TPST2: variants seen among roughly 807,000 people sequenced by gnomAD.
TPST2 encodes tyrosylprotein sulfotransferase 2, also known as protein-tyrosine sulfotransferase 2.
Under a neutral mutation model 27.8 loss-of-function variants are expected in TPST2, and 16 were observed. The ratio of observed to expected loss-of-function variants is 0.58; its 90% CI spans 0.39 to 0.88. The LOEUF (loss-of-function observed/expected upper bound fraction) is 0.88. TPST2 is among the 40% of genes least tolerant of loss of function. The probability of loss-of-function intolerance (pLI) is 0.00; values close to 1 mark genes in which losing one functional copy is unlikely to be tolerated. For missense variants in TPST2, 464 were observed against 543.1 expected (o/e 0.85, Z 1.45); for synonymous variants, 229 against 231.7 (o/e 0.99, Z 0.10).
intron 1 of TPST2, among the ~76,000 whole-genome samples, chr22:26,566,646 G>T (rs1927391953): frequency 6.6e-6 from 1 of 152,146 alleles, no homozygotes. Context: ...CAGCTGCTCA[G>T]GAGGCTGAGG....
chr22:26,556,489 G>A (rs182044716), intron 1 of TPST2, among the ~76,000 whole-genome samples: 15 of 152,254 alleles, frequency 9.9e-5, no homozygotes, highest in South Asian at 6.2e-4. Context: ...GCAGTGAGCC[G>A]AGATCGCGTC....
At chr22:26,531,247 C>T (rs1925144808) in intron 5 of TPST2, among the ~76,000 whole-genome samples, 1 of 152,154 alleles carries the variant, frequency 6.6e-6, no homozygotes. Flanking sequence ...TAATGTCATT[C>T]TGGATGTTGT....
intron 1 of TPST2, among the ~76,000 whole-genome samples, chr22:26,563,334 T>C (rs567211108): frequency 1.9e-4 from 26 of 138,164 alleles, no homozygotes; most frequent in South Asian, 6.7e-4. Flanking sequence ...TCTTCTTCTT[T>C]TTTTTTTTTT....
At position 26,575,533 on chromosome 22, in the gene TPST2, A is replaced by C. The variant is rs527310660; in HGVS notation, c.-161+14520T>G. On this transcript the variant is annotated intron_variant, in intron 1 of 6. Transcript: ENST00000338754. ...TATACCTCCCCTTGTGTCCATCTAAAATATCAGCTCTCCCAGGGCAGGAAC... is the reference window on the plus strand; with the variant it reads ...TATACCTCCCCTTGTGTCCATCTAACATATCAGCTCTCCCAGGGCAGGAAC... Among the ~76,000 whole-genome samples, 71 of 152,248 alleles carry C rather than the reference A, an allele frequency of 4.7e-4. 1 individual carries two copies. Among genetic ancestry groups the C allele is most frequent in the African/African-American group, 1.4e-3 (60 of 41,554 alleles).
chr22:26,584,433 A>G (rs1229657095), intron 1 of TPST2, among the ~76,000 whole-genome samples: 1 of 152,200 alleles, frequency 6.6e-6, no homozygotes, highest in Admixed American at 6.5e-5. Context: ...ACAACACCTG[A>G]TGTTTTCTGT....
intron 5 of TPST2, among the ~76,000 whole-genome samples, chr22:26,531,007 C>T (rs1210726981): frequency 6.8e-6 from 1 of 146,322 alleles, no homozygotes; most frequent in African/African-American, 2.4e-5. Context: ...AAAACTCCAT[C>T]TCAAAAACAA....
At chr22:26,550,027 A>C (rs1205236351) in intron 1 of TPST2, among the ~76,000 whole-genome samples, 1 of 143,252 alleles carries the variant, frequency 7.0e-6, no homozygotes, top group African/African-American at 2.6e-5. Flanking sequence ...GTGATGGAGC[A>C]AGACTCCATC....
At chr22:26,571,104 C>A (rs906473414) in intron 1 of TPST2, among the ~76,000 whole-genome samples, 7 of 152,186 alleles carry the variant, frequency 4.6e-5, no homozygotes, top group Admixed American at 2.0e-4. Flanking sequence ...CCACTTTACT[C>A]AGGAAAAACC....
intron 1 of TPST2, among the ~76,000 whole-genome samples, chr22:26,552,918 C>G (rs3788404): frequency 0.39 from 58,877 of 151,464 alleles, 12,256 homozygotes; most frequent in African/African-American, 0.54. Context: ...AAATTAGCCG[C>G]GCATGGTGGC....
rs187749809 is a variant in TPST2, at chr22:26,523,527, A to G, written c.*2748T>C. The stretch of plus-strand genomic sequence containing the variant: ...CTGAGCCTAGTTTTTTTCAGGGAAC[A>G]AGACCCAGTGCTACCACTTAGGGGC... On this transcript the variant is annotated 3_prime_UTR_variant, in exon 7 of 7. Transcript: ENST00000338754. 1 of 152,328 alleles carries G rather than the reference A, an allele frequency of 6.6e-6. No homozygotes were observed. The highest frequency in any genetic ancestry group is 1.9e-4 in the East Asian group (1 of 5,186). The allele number at this position is 152,328 out of a possible 1,614,324, so 9.4% of individuals were successfully genotyped here.
intron 5 of TPST2, 77 bp downstream of exon 5, chr22:26,532,618 C>CA: frequency 4.9e-6 from 7 of 1,437,524 alleles, no homozygotes; most frequent in Non-Finnish European, 6.7e-6. Context: ...GGAGAAGTGA[C>CA]ACATCTAAGG....
chr22:26,567,702 T>G (rs1927433845), intron 1 of TPST2, among the ~76,000 whole-genome samples: 1 of 151,704 alleles, frequency 6.6e-6, no homozygotes, highest in African/African-American at 2.4e-5. Context: ...ATATAAAGAG[T>G]TCTGTGAAAT....
intron 1 of TPST2, among the ~76,000 whole-genome samples, chr22:26,561,572 G>A (rs1412784301): frequency 6.9e-6 from 1 of 145,362 alleles, no homozygotes; most frequent in African/African-American, 2.5e-5. Context: ...CAGCTGTTTT[G>A]TTGACATTCT....
At chr22:26,569,976 G>A (rs983261119) in intron 1 of TPST2, among the ~76,000 whole-genome samples, 1 of 4,760 alleles carries the variant, frequency 2.1e-4, no homozygotes, top group Non-Finnish European at 2.7e-4. Flanking sequence ...AAGGAAGAAA[G>A]AAAGAAAAGA....
intron 1 of TPST2, among the ~76,000 whole-genome samples, chr22:26,545,039 C>T (rs1242239867): frequency 3.9e-5 from 6 of 152,152 alleles, no homozygotes; most frequent in Non-Finnish European, 4.4e-5. Context: ...CAACAACAAC[C>T]ACCACTACAC....
Position 26,529,514 on chromosome 22 carries a change from G to C in TPST2, c.1093-1252C>G, listed in dbSNP as rs545299278. Among the ~76,000 whole-genome samples the C allele has an allele frequency of 4.7e-4, 72 of 152,312 alleles. 1 individual carries two copies. Among genetic ancestry groups the C allele is most frequent in the Middle Eastern group, 6.8e-3 (2 of 294 alleles). ...AGAGGGGAGAGGGTCTAGGGGCTAG[G>C]AGCTGGAGATTGGGCAATCACCCAT... On this transcript the variant is annotated intron_variant, in intron 5 of 6. Transcript: ENST00000338754.
intron 1 of TPST2, among the ~76,000 whole-genome samples, chr22:26,576,735 C>T (rs1224499327): frequency 6.6e-6 from 1 of 151,828 alleles, no homozygotes; most frequent in Non-Finnish European, 1.5e-5. Flanking sequence ...TTTTGGGAGG[C>T]TGAGGTGGGA....
Position 26,541,702 on chromosome 22 carries a change from G to C in TPST2, c.-72C>G. The C allele has an allele frequency of 1.4e-6, 2 of 1,474,906 alleles. No homozygotes were observed. The highest frequency in any genetic ancestry group is 1.8e-6 in the Non-Finnish European group (2 of 1,119,966). 91.4% of individuals were successfully genotyped at this position (1,474,906 alleles called of 1,614,324 possible). ...GGCTTCAGCGACAGGTTAGCGGGCA[G>C]CCCGCCAGGCTCACATCTGGGGAGA... is the stretch of plus-strand genomic sequence containing the variant. On this transcript the variant is annotated 5_prime_UTR_variant, in exon 3 of 7. Transcript: ENST00000338754. The surrounding 1 kb of genome is among the most constrained non-coding windows in gnomAD (Gnocchi z 5.9).
chr22:26,552,455 A>G (rs988750931), intron 1 of TPST2, among the ~76,000 whole-genome samples: 4 of 152,096 alleles, frequency 2.6e-5, no homozygotes, highest in Non-Finnish European at 5.9e-5. Flanking sequence ...ACAGATGGTA[A>G]TTGGTTGAGC....
Sources: gnomAD v4.1 joint callset for allele counts (sites outside exome capture counted in the v4.1 genomes callset) on GRCh38, gnomAD v4.1.1 for gene constraint, Gnocchi (gnomAD v3.1) non-coding constraint, MANE v1.5 for transcripts, NCBI Gene and HGNC (gene_info 2026-07-23, HGNC 2026-07-21) for gene names.